Variants in CAST observed in about 807,000 individuals in gnomAD.
CAST encodes the protein MIR583 host.
A neutral mutation model predicts 119.6 loss-of-function variants in CAST; 76 were observed. That is an observed-to-expected ratio of 0.64 (90% CI 0.53 to 0.77). The LOEUF (loss-of-function observed/expected upper bound fraction) is 0.77. Among genes scored for constraint, CAST ranks in the 30% least tolerant of loss-of-function variants. The pLI, the probability that CAST is intolerant of heterozygous loss-of-function variation, is 0.00. For missense variants in CAST, 953 were observed against 946.5 expected (o/e 1.01, Z -0.09); for synonymous variants, 319 against 331.6 (o/e 0.96, Z 0.41).
chr5:96,694,612 C>CA (rs1319675442), intron 2 of CAST, among the ~76,000 whole-genome samples: 1 of 152,106 alleles, frequency 6.6e-6, no homozygotes, highest in Non-Finnish European at 1.5e-5. Flanking sequence ...GCCTGGGTGA[C>CA]AGAGCGAGAC....
intron 1 of CAST, among the ~76,000 whole-genome samples, chr5:96,552,158 A>T (rs1422286782): frequency 1.3e-5 from 2 of 152,208 alleles, no homozygotes; most frequent in Non-Finnish European, 2.9e-5. Context: ...AATTGACCAC[A>T]TAATTGGAAG....
At chr5:96,751,157 C>A (rs954070242) in intron 20 of CAST, among the ~76,000 whole-genome samples, 2 of 152,152 alleles carry the variant, frequency 1.3e-5, no homozygotes, top group African/African-American at 4.8e-5. Context: ...TTCTAATTTT[C>A]ACATGAAGTA....
chr5:96,739,608 G>A (rs1440099065), intron 11 of CAST, among the ~76,000 whole-genome samples: 1 of 152,128 alleles, frequency 6.6e-6, no homozygotes, highest in East Asian at 1.9e-4. Context: ...CTGATTAACA[G>A]GGAAAGGGAA....
chr5:96,367,182 G>A, the CAST span, among the ~76,000 whole-genome samples: 1 of 152,146 alleles, frequency 6.6e-6, no homozygotes, highest in Non-Finnish European at 1.5e-5. Flanking sequence ...CGTTCCTCTG[G>A]AAGCTTCATC....
the CAST span, chr5:95,980,385 T>C: frequency 5.3e-5 from 8 of 152,264 alleles, no homozygotes; most frequent in Non-Finnish European, 1.2e-4. Flanking sequence ...TGAATGCTGC[T>C]TTTGGTACCC....
the CAST span, among the ~76,000 whole-genome samples, chr5:96,069,335 T>C: frequency 6.6e-6 from 1 of 150,634 alleles, no homozygotes; most frequent in African/African-American, 2.5e-5. Flanking sequence ...TTGTGGAGAC[T>C]GGAAAGCATG....
chr5:96,289,744 T>G, the CAST span, among the ~76,000 whole-genome samples: 2 of 152,320 alleles, frequency 1.3e-5, no homozygotes, highest in South Asian at 2.1e-4. Flanking sequence ...TTAACCTTTT[T>G]GACCCTCAGG....
the CAST span, among the ~76,000 whole-genome samples, chr5:96,268,974 G>T: frequency 1.3e-5 from 2 of 152,082 alleles, no homozygotes; most frequent in Admixed American, 1.3e-4. Context: ...TAAAAGTGTG[G>T]CAGTTACCCC....
intron 22 of CAST, among the ~76,000 whole-genome samples, chr5:96,756,115 T>C (rs1766270374): frequency 6.6e-6 from 1 of 152,202 alleles, no homozygotes; most frequent in South Asian, 2.1e-4. Context: ...AGGCACTAGC[T>C]TCATCTCATT....
chr5:96,275,159 G>C, the CAST span, among the ~76,000 whole-genome samples: 1 of 152,200 alleles, frequency 6.6e-6, no homozygotes, highest in African/African-American at 2.4e-5. Flanking sequence ...ATAATTCACA[G>C]CTAGTCTGGG....
At chr5:96,205,826 T>C in the CAST span, among the ~76,000 whole-genome samples, 1 of 152,114 alleles carries the variant, frequency 6.6e-6, no homozygotes, top group South Asian at 2.1e-4. Context: ...CCTTTGGGTA[T>C]ATACCCAATA....
chr5:96,675,046 A>G (rs540279426), intron 1 of CAST, among the ~76,000 whole-genome samples: 1 of 152,338 alleles, frequency 6.6e-6, no homozygotes, highest in East Asian at 1.9e-4. Context: ...TTAAGGCCAT[A>G]ACACATAGAA....
the CAST span, chr5:96,399,035 C>T: frequency 6.2e-7 from 1 of 1,605,686 alleles, no homozygotes; most frequent in Non-Finnish European, 8.5e-7. Context: ...GCTTTCAGGG[C>T]TCTAAATACA....
the CAST span, among the ~76,000 whole-genome samples, chr5:96,188,294 G>C: frequency 6.6e-6 from 1 of 152,048 alleles, no homozygotes; most frequent in African/African-American, 2.4e-5. Flanking sequence ...TCATTCTCCT[G>C]AGTTAAAATC....
At chr5:96,036,161 ATTTT>A in the CAST span, among the ~76,000 whole-genome samples, 1 of 149,732 alleles carries the variant, frequency 6.7e-6, no homozygotes, top group South Asian at 2.1e-4. Flanking sequence ...CTATCAATGC[ATTTT>A]TTTTTGGAAT....
intron 1 of CAST, among the ~76,000 whole-genome samples, chr5:96,616,593 G>A (rs914258422): frequency 6.6e-6 from 1 of 152,060 alleles, no homozygotes; most frequent in East Asian, 1.9e-4. Flanking sequence ...TCACTTTACA[G>A]GGAAGAGAAC....
chr5:96,278,545 T>C, the CAST span: 2 of 152,340 alleles, frequency 1.3e-5, no homozygotes, highest in Non-Finnish European at 2.9e-5. Flanking sequence ...TTAAGGATTA[T>C]ATTTTACAAC....
At chr5:96,049,523 T>TA in the CAST span, among the ~76,000 whole-genome samples, 75 of 152,218 alleles carry the variant, frequency 4.9e-4, no homozygotes, top group East Asian at 1.9e-4. Context: ...CGTCAGGGGC[T>TA]GATTGAATGC....
chr5:96,539,985 CT>C (rs1745882836), intron 1 of CAST, among the ~76,000 whole-genome samples: 1 of 152,012 alleles, frequency 6.6e-6, no homozygotes, highest in Non-Finnish European at 1.5e-5. Flanking sequence ...TTGGACATAG[CT>C]TTGTTTAATG....
Sources: allele counts gnomAD v4.1 joint callset (sites outside exome capture counted in the v4.1 genomes callset), GRCh38; gene constraint gnomAD v4.1.1; transcripts MANE v1.5; gene names NCBI Gene and HGNC (gene_info 2026-07-23, HGNC 2026-07-21).